SYNE1: variants seen among roughly 807,000 people sequenced by gnomAD.
SYNE1 encodes spectrin repeat containing nuclear envelope protein 1, also known as nesprin-1.
SYNE1 carries 616 observed loss-of-function variants against 1,111.0 expected under a neutral mutation model. The ratio of observed to expected loss-of-function variants is 0.55; its 90% CI spans 0.52 to 0.59. The LOEUF (loss-of-function observed/expected upper bound fraction) is 0.59, where lower values mean the gene tolerates loss of function less well. SYNE1 is among the 20% of genes least tolerant of loss of function. The pLI is 0.00. For synonymous variants in SYNE1, 3,855 were observed against 3,825.8 expected (o/e 1.01, Z -0.28); for missense variants, 10,006 against 10,417.0 (o/e 0.96, Z 1.72).
At position 152,236,976 on chromosome 6, in the gene SYNE1, TA is replaced by T. The variant is rs36215566; in HGVS notation, c.20068-29del. On this transcript the variant is annotated intron_variant, in intron 108 of 145. Transcript: ENST00000367255. ...AGAAACACAACATGAGTCTGTGAGC[TA>T]AAAAAACCCTCATTAGCGAAAGACA... 2.5e-6 allele frequency: 4 copies of T among 1,611,438 alleles called. No homozygotes were observed. The South Asian group carries it at 3.3e-5, about 13-fold the overall frequency.
At chr6:152,278,063 T>G (rs757317343) in intron 98 of SYNE1, 26 bp downstream of exon 98, 1 of 1,613,252 alleles carries the variant, frequency 6.2e-7, no homozygotes, top group East Asian at 2.2e-5. Context: ...AACTTTCAGC[T>G]GTGGGCCAGC....
In SYNE1 at chr6:152,333,988, C is replaced by T; in HGVS notation, c.12794+20G>A. On this transcript the variant is annotated intron_variant, in intron 77 of 145. Coordinates refer to ENST00000367255, the MANE Select transcript of SYNE1 (RefSeq NM_182961.4). ...TGTCTGGCTTAGCATTTTGGTGACCCATGGGAGAATTTCTGTTACCTGGCC... is the reference window on the plus strand; with the variant it reads ...TGTCTGGCTTAGCATTTTGGTGACCTATGGGAGAATTTCTGTTACCTGGCC... 6.2e-7 allele frequency: 1 copy of T among 1,614,072 alleles called. No homozygotes were observed. The highest frequency in any genetic ancestry group is 8.5e-7 in the Non-Finnish European group (1 of 1,180,016).
chr6:152,366,152 G>A (rs1381182126), intron 62 of SYNE1, among the ~76,000 whole-genome samples: 1 of 152,086 alleles, frequency 6.6e-6, no homozygotes, highest in Non-Finnish European at 1.5e-5. Flanking sequence ...GACCAACATG[G>A]AGAAACCCCG....
In SYNE1 at chr6:152,364,922, G is replaced by A. The variant is rs748499952; in HGVS notation, c.10070C>T (p.Pro3357Leu). ...ACTCTGCAGCTGCTGCTGAATAGTG[G>A]GAATGCCTTCTGGAGAAGTATTCTG... The part of the protein sequence containing the change: ...VLQNTSPEGI[P>L]TIQQQLQSVK... Residue 3357 changes from proline to leucine, a missense_variant, in exon 63 of 146, where the codon CCC (proline) becomes CTC (leucine). Transcript: ENST00000367255. 1.9e-6 allele frequency: 3 copies of A among 1,614,168 alleles called. No individual in the cohort carries two copies. In the Admixed American group the frequency reaches 5.0e-5, roughly 27 times the overall value.
chr6:152,216,242 C>T (rs1194056977), intron 121 of SYNE1, among the ~76,000 whole-genome samples: 1 of 152,110 alleles, frequency 6.6e-6, no homozygotes, highest in Non-Finnish European at 1.5e-5. Flanking sequence ...CAGCAATGAA[C>T]AAAATAGCCA....
intron 21 of SYNE1, among the ~76,000 whole-genome samples, chr6:152,460,162 C>G (rs1269122961): frequency 1.3e-5 from 2 of 152,176 alleles, no homozygotes; most frequent in African/African-American, 2.4e-5. Context: ...AAGCATGGCT[C>G]AGGCTAAGAT....
chr6:152,476,643 C>A (rs1349417158), intron 14 of SYNE1, among the ~76,000 whole-genome samples: 7 of 151,994 alleles, frequency 4.6e-5, no homozygotes, highest in Non-Finnish European at 1.0e-4. Flanking sequence ...GGAGGGTGGG[C>A]AGATCACTTG....
In SYNE1 at chr6:152,352,226, A is replaced by T. The variant is rs143519691; in HGVS notation, c.11381T>A (p.Met3794Lys). 1.8e-5 allele frequency: 29 copies of T among 1,614,008 alleles called. No individual in the cohort carries two copies. The highest frequency in any genetic ancestry group is 2.2e-5 in the Non-Finnish European group (26 of 1,180,022). ...ERLRKEIHDH[M>K]EQLKELTSTV... ...GCTGGTCAGTTCCTTCAACTGCTCC[A>T]TGTGATCATGAATCTCCTTTCTTAA... Residue 3794 changes from methionine to lysine, a missense_variant, in exon 70 of 146, where the codon ATG becomes AAG. Transcript: ENST00000367255.
intron 92 of SYNE1, among the ~76,000 whole-genome samples, chr6:152,301,141 G>C (rs2095146601): frequency 6.6e-6 from 1 of 152,144 alleles, no homozygotes; most frequent in South Asian, 2.1e-4. Context: ...TTGGTCTTTT[G>C]TGGACATCTC....
At chr6:152,472,846 G>A (rs953725003) in intron 14 of SYNE1, among the ~76,000 whole-genome samples, 3 of 152,110 alleles carry the variant, frequency 2.0e-5, no homozygotes, top group Admixed American at 6.5e-5. Flanking sequence ...ATTTTACTTT[G>A]AATGCATGCA....
At chr6:152,394,533 C>T (rs1441985175) in intron 51 of SYNE1, among the ~76,000 whole-genome samples, 2 of 151,856 alleles carry the variant, frequency 1.3e-5, no homozygotes, top group African/African-American at 2.4e-5. Flanking sequence ...GAGCAAAGCC[C>T]TCAATGTAGG....
chr6:152,607,104 C>T (rs2128741428), intron 3 of SYNE1, among the ~76,000 whole-genome samples: 1 of 150,546 alleles, frequency 6.6e-6, no homozygotes, highest in African/African-American at 2.5e-5. Context: ...CCTGCCTCAG[C>T]CCCCCCAGTA....
rs974250426 is a variant in SYNE1 at position 152,296,663 on chromosome 6, A to G, written c.17683-2536T>C. ...GGCTGCCTCTGACCTGCACATATTT[A>G]GTGTGGCTTATACAATGTTTTAAAT... On this transcript the variant is annotated intron_variant, in intron 93 of 145. Transcript: ENST00000367255. Among the ~76,000 whole-genome samples the G allele has an allele frequency of 5.2e-5, 8 of 152,386 alleles. No individual in the cohort carries two copies. The South Asian group carries it at 8.3e-4, about 16-fold the overall frequency.
chr6:152,276,908 G>T (rs1179571531), intron 98 of SYNE1, among the ~76,000 whole-genome samples: 3 of 134,122 alleles, frequency 2.2e-5, no homozygotes, highest in East Asian at 4.3e-4. Context: ...TTTTTGAGAC[G>T]GCGTCTCCCT....
chr6:152,222,637 A>G (rs528259970), intron 117 of SYNE1, among the ~76,000 whole-genome samples: 1 of 152,364 alleles, frequency 6.6e-6, no homozygotes, highest in African/African-American at 2.4e-5. Flanking sequence ...GATAATTAAC[A>G]TATCATTACC....
chr6:152,220,875 A>T lies in SYNE1; in HGVS notation c.21828T>A (p.Asp7276Glu). 6.2e-7 allele frequency: 1 copy of T among 1,614,114 alleles called. No homozygotes were observed. Among genetic ancestry groups the T allele is most frequent in the Non-Finnish European group, 8.5e-7 (1 of 1,179,992 alleles). ...LKAATNKDIA[D>E]DEVATWIQDC... ...CTTGAATCCATGTGGCAACCTCATC[A>T]TCGGCAATGTCCTTGTTTGTGGCTG... The change falls in exon 119 of 146, where the codon GAT (aspartate) becomes GAA (glutamate). Residue 7276 changes from aspartate (D) to glutamate (E), a missense_variant. By Grantham distance (45) the Asp-to-Glu change is conservative. Around this residue, in one of 7 missense-constraint regions of SYNE1, gnomAD observed 2,182 missense variants for 2,287.8 expected, o/e 0.95. Transcript: ENST00000367255.
At chr6:152,611,651 T>C (rs2099631736) in intron 3 of SYNE1, among the ~76,000 whole-genome samples, 1 of 152,168 alleles carries the variant, frequency 6.6e-6, no homozygotes, top group African/African-American at 2.4e-5. Flanking sequence ...GGAGACCTAA[T>C]AGACATCTAC....
chr6:152,174,518 C>G (rs1386652099), intron 130 of SYNE1, among the ~76,000 whole-genome samples: 3 of 152,182 alleles, frequency 2.0e-5, no homozygotes, highest in African/African-American at 7.2e-5. Context: ...TCTTGACTCT[C>G]ACAGTCACTG....
chr6:152,479,898 C>G (rs2098873564), intron 14 of SYNE1, among the ~76,000 whole-genome samples: 1 of 152,136 alleles, frequency 6.6e-6, no homozygotes, highest in South Asian at 2.1e-4. Flanking sequence ...AAAAAATGAT[C>G]TGAATCCAAC....
Sources: gnomAD v4.1 joint callset for allele counts (sites outside exome capture counted in the v4.1 genomes callset) on GRCh38, gnomAD v4.1.1 for gene constraint, gnomAD v4.1.1 regional missense constraint, MANE v1.5 for transcripts, NCBI Gene and HGNC (gene_info 2026-07-23, HGNC 2026-07-21) for gene names.